Variants in FBXO31 observed in about 807,000 individuals in gnomAD.
The protein encoded by FBXO31 is F-box protein 31.
Under a neutral mutation model 54.4 loss-of-function variants are expected in FBXO31, and 24 were observed. The observed-to-expected ratio is 0.44, with a 90% confidence interval of 0.32 to 0.62. FBXO31 has a LOEUF of 0.62. FBXO31 is among the 20% of genes least tolerant of loss of function. FBXO31 has a pLI of 0.05. For synonymous variants in FBXO31, 388 were observed against 335.6 expected (o/e 1.16, Z -1.71); for missense variants, 665 against 787.1 (o/e 0.84, Z 1.86).
Position 87,346,433 on chromosome 16 carries a change from C to T in FBXO31, c.489+741G>A, listed in dbSNP as rs780663826. 6.6e-6 allele frequency among the ~76,000 whole-genome samples: 1 copy of T among 152,298 alleles called. No homozygotes were observed. Among genetic ancestry groups the T allele is most frequent in the South Asian group, 2.1e-4 (1 of 4,830 alleles). On this transcript the variant is annotated intron_variant, in intron 3 of 8. Coordinates refer to ENST00000311635, the MANE Select transcript of FBXO31 (RefSeq NM_024735.5). The surrounding 1 kb of genome is among the most constrained non-coding windows in gnomAD (Gnocchi z 4.2). ...ATTAACAAAGAGAAGGAAAACTTCA[C>T]CGAAAAACGGGAATTTAATAAAAAA...
chr16:87,368,766 C>T (rs1216863567), intron 1 of FBXO31, among the ~76,000 whole-genome samples: 2 of 151,966 alleles, frequency 1.3e-5, no homozygotes, highest in African/African-American at 4.8e-5. Context: ...GTTCTGATTG[C>T]TAAGGATTTA....
chr16:87,383,381 G>GC lies in FBXO31; in HGVS notation c.340+23dup. 7.1e-7 allele frequency: 1 copy of GC among 1,417,878 alleles called. No homozygotes were observed. The highest frequency in any genetic ancestry group is 9.6e-7 in the Non-Finnish European group (1 of 1,041,922). The allele number at this position is 1,417,878 out of a possible 1,614,324, so 87.8% of individuals were successfully genotyped here. On this transcript the variant is annotated intron_variant, in intron 1 of 8. Transcript: ENST00000311635. The surrounding 1 kb of genome is among the most constrained non-coding windows in gnomAD (Gnocchi z 4.9). ...TGGCAGGGACCCCCCGCCCCTCCCGGCCCCGCCACCCCCGCGCGCTCACCC... is the reference window on the plus strand; with the variant it reads ...TGGCAGGGACCCCCCGCCCCTCCCGGCCCCCGCCACCCCCGCGCGCTCACCC...
At chr16:87,371,029 C>T (rs1353602492) in intron 1 of FBXO31, among the ~76,000 whole-genome samples, 1 of 152,228 alleles carries the variant, frequency 6.6e-6, no homozygotes. Context: ...GCTCTGCAGC[C>T]ACCAGCCTGA....
chr16:87,341,786 C>A (rs561260887), intron 5 of FBXO31, among the ~76,000 whole-genome samples: 2 of 152,096 alleles, frequency 1.3e-5, no homozygotes, highest in Non-Finnish European at 2.9e-5. Context: ...TCTTCACATG[C>A]CATCTATTCA....
At chr16:87,371,869 G>A (rs1010694626) in intron 1 of FBXO31, among the ~76,000 whole-genome samples, 2 of 152,126 alleles carry the variant, frequency 1.3e-5, no homozygotes, top group Admixed American at 6.6e-5. Flanking sequence ...AACACCTTCC[G>A]GGTGCCAGAT....
chr16:87,333,914 C>A lies in FBXO31; in HGVS notation c.1369G>T (p.Glu457Ter). ...VLPVGVSSRN[E>*]DYPRTCRMCF... is the part of the protein sequence containing the mutation. ...ATCCTGCAGGTTCGGGGGTAGTCCT[C>A]ATTCCTGGAGCTCACGCCCACGGGC... Residue 457 changes from glutamate to a stop codon, truncating the protein, a stop_gained, in exon 8 of 9, where the codon GAG becomes TAG. Transcript: ENST00000311635. LOFTEE classifies it high-confidence loss of function. 1 of 1,609,262 alleles carries A rather than the reference C, an allele frequency of 6.2e-7. No homozygotes were observed. Among genetic ancestry groups the A allele is most frequent in the Non-Finnish European group, 8.5e-7 (1 of 1,177,512 alleles).
intron 2 of FBXO31, among the ~76,000 whole-genome samples, 179 bp from the exon 3 acceptor site, chr16:87,347,429 C>T (rs1163010897): frequency 6.6e-6 from 1 of 152,142 alleles, no homozygotes; most frequent in Non-Finnish European, 1.5e-5. Context: ...TGCGGTGGCT[C>T]ACGCCTTTAA....
At chr16:87,355,619 G>A (rs557733468) in intron 2 of FBXO31, among the ~76,000 whole-genome samples, 47 of 151,966 alleles carry the variant, frequency 3.1e-4, no homozygotes, top group Non-Finnish European at 6.3e-4. Context: ...TTTTTATAAC[G>A]ACACTCAAAC....
chr16:87,372,863 A>C (rs1397691314), intron 1 of FBXO31, among the ~76,000 whole-genome samples: 1 of 151,432 alleles, frequency 6.6e-6, no homozygotes, highest in African/African-American at 2.4e-5. Flanking sequence ...CAGCCTCCCA[A>C]GTAGCTGGGA....
intron 2 of FBXO31, among the ~76,000 whole-genome samples, chr16:87,349,985 C>T (rs939254542): frequency 6.6e-6 from 1 of 152,102 alleles, no homozygotes; most frequent in African/African-American, 2.4e-5. Flanking sequence ...AAAAGGAAAC[C>T]TAAAGCTCAC....
chr16:87,333,004 G>A (rs949607743), intron 8 of FBXO31, among the ~76,000 whole-genome samples: 1 of 152,220 alleles, frequency 6.6e-6, no homozygotes, highest in Admixed American at 6.5e-5. Context: ...TGGCCATGGA[G>A]CACTTGAAAC....
rs1263874290 is a variant in FBXO31 at position 87,336,429 on chromosome 16, G to A, written c.733-165C>T. On this transcript the variant is annotated intron_variant, in intron 5 of 8. Coordinates refer to ENST00000311635, the MANE Select transcript of FBXO31 (RefSeq NM_024735.5). This position sits in a 1 kb window ranked among gnomAD's most constrained non-coding sequence, Gnocchi z 6.5. ...TGGACTTGGCGCTGGGAAGAGAAAG[G>A]GGAGCTGCCGGATTTGACCCCACGT... 1.3e-5 allele frequency among the ~76,000 whole-genome samples: 2 copies of A among 152,182 alleles called. No homozygotes were observed. The highest frequency in any genetic ancestry group is 1.3e-4 in the Admixed American group (2 of 15,276).
At chr16:87,361,307 G>A (rs1485148042) in intron 1 of FBXO31, among the ~76,000 whole-genome samples, 5 of 152,188 alleles carry the variant, frequency 3.3e-5, no homozygotes, top group Non-Finnish European at 7.3e-5. Flanking sequence ...CTCCACAAAG[G>A]ACCTGGAGCT....
At chr16:87,392,008 C>A (rs530363150), upstream of FBXO31, 65 of 172,060 alleles carry the variant, frequency 3.8e-4, no homozygotes, top group Admixed American at 4.4e-4. Context: ...CCCCGCGCTG[C>A]CATCTCCTCA....
upstream of FBXO31, chr16:87,383,979 C>A: frequency 4.2e-6 from 1 of 240,834 alleles, no homozygotes; most frequent in Non-Finnish European, 7.9e-6. This position sits in a 1 kb window ranked among gnomAD's most constrained non-coding sequence, Gnocchi z 4.9. Flanking sequence ...CCGTGACGGG[C>A]ATGAGAAAAG....
chr16:87,361,681 C>CAGT (rs1906139963), intron 1 of FBXO31, among the ~76,000 whole-genome samples: 1 of 152,234 alleles, frequency 6.6e-6, no homozygotes, highest in Non-Finnish European at 1.5e-5. Flanking sequence ...GCAGAGGCCT[C>CAGT]ATCCCTTCTT....
chr16:87,356,511 C>G (rs890870705), intron 2 of FBXO31, among the ~76,000 whole-genome samples: 4 of 152,118 alleles, frequency 2.6e-5, no homozygotes, highest in African/African-American at 9.7e-5. Context: ...GCTCTGGCCT[C>G]CACTCAGCTA....
intron 1 of FBXO31, among the ~76,000 whole-genome samples, chr16:87,376,334 C>T (rs1054308021): frequency 2.0e-5 from 3 of 151,020 alleles, no homozygotes; most frequent in African/African-American, 7.3e-5. Context: ...AGTGCAGTGG[C>T]GCGATCTCAG....
At chr16:87,352,925 T>A (rs1379154899) in intron 2 of FBXO31, among the ~76,000 whole-genome samples, 1 of 152,106 alleles carries the variant, frequency 6.6e-6, no homozygotes, top group Admixed American at 6.5e-5. Flanking sequence ...TGACTCAGAG[T>A]CCCTGAACCT....
Sources: allele counts gnomAD v4.1 joint callset (sites outside exome capture counted in the v4.1 genomes callset), GRCh38; gene constraint gnomAD v4.1.1; non-coding constraint Gnocchi (gnomAD v3.1); transcripts MANE v1.5; gene names NCBI Gene and HGNC (gene_info 2026-07-23, HGNC 2026-07-21).